SIGLEC10: variants seen among roughly 807,000 people sequenced by gnomAD.
SIGLEC10 encodes sialic acid-binding Ig-like lectin 10.
Under a neutral mutation model 68.3 loss-of-function variants are expected in SIGLEC10, and 45 were observed. That is an observed-to-expected ratio of 0.66 (90% confidence interval 0.52 to 0.84). The LOEUF is 0.84. Among genes scored for constraint, SIGLEC10 ranks in the 40% least tolerant of loss-of-function variants. SIGLEC10 has a pLI of 0.00. For missense variants in SIGLEC10, 789 were observed against 883.1 expected, an observed-to-expected ratio of 0.89 and a Z score of 1.35; for synonymous variants, 379 against 370.8, an observed-to-expected ratio of 1.02 and a Z score of -0.26.
rs938899801 is a variant in SIGLEC10, at chr19:51,410,274, G to C, written c.*825C>G. 1 of 152,200 alleles carries C rather than the reference G, an allele frequency of 6.6e-6. No individual in the cohort carries two copies. Among genetic ancestry groups the C allele is most frequent in the Non-Finnish European group, 1.5e-5 (1 of 68,054 alleles). The allele number at this position is 152,200 out of a possible 1,614,324, so 9.4% of individuals were successfully genotyped here. On this transcript the variant is annotated 3_prime_UTR_variant, in exon 11 of 11. Transcript: ENST00000339313. ...GTGAGGACGACCAGAGGTCACTCTC[G>C]TGGCCAACTTGGTTTTGGTGGGATT...
chr19:51,411,652 C>G (rs948374308), intron 10 of SIGLEC10, among the ~76,000 whole-genome samples: 2 of 152,180 alleles, frequency 1.3e-5, no homozygotes, highest in Non-Finnish European at 2.9e-5. Context: ...TCAAGACCGG[C>G]CTGGCCAACA....
intron 10 of SIGLEC10, among the ~76,000 whole-genome samples, chr19:51,413,352 C>T (rs918140925): frequency 6.6e-6 from 1 of 152,058 alleles, no homozygotes; most frequent in Non-Finnish European, 1.5e-5. Context: ...GATTTCAGAC[C>T]CCCTGTGCTG....
rs1393362846 is a variant in SIGLEC10, at chr19:51,411,182, T to G, written c.2011A>C (p.Asn671His). Residue 671 changes from asparagine (N) to histidine (H), a missense_variant, in exon 11 of 11, where the codon AAC becomes CAC. Asn to His is a moderately conservative substitution (Grantham distance 68). Coordinates refer to ENST00000339313, the MANE Select transcript of SIGLEC10 (RefSeq NM_033130.5). Reference sequence around the variant, plus strand: ...GGCCTGGGTCTGACGCCTGGGAAGTTGAGCGTGGCATAATGGAGCTCCTCT... The same window carrying G: ...GGCCTGGGTCTGACGCCTGGGAAGTGGAGCGTGGCATAATGGAGCTCCTCT... ...SQEELHYATLNFPGVRPRPEA... is the reference protein window; with the variant it reads ...SQEELHYATLHFPGVRPRPEA... 1 of 1,614,190 alleles carries G rather than the reference T, an allele frequency of 6.2e-7. No individual in the cohort carries two copies. The highest frequency in any genetic ancestry group is 1.7e-5 in the Admixed American group (1 of 60,026).
Position 51,415,022 on chromosome 19 carries a change from A to T in SIGLEC10, c.1417T>A (p.Ser473Thr), listed in dbSNP as rs767154875. The part of the protein sequence containing the change: ...SCSSQASPAP[S>T]LRWWLGEELL... ...TCCTCCCCAAGCCACCAGCGCAGAGAGGGGGCCGGGCTGGCCTGGGAGGAG... is the reference window on the plus strand; with the variant it reads ...TCCTCCCCAAGCCACCAGCGCAGAGTGGGGGCCGGGCTGGCCTGGGAGGAG... The change falls in exon 8 of 11, where the codon TCT becomes ACT. Residue 473 changes from serine to threonine, a missense_variant. By Grantham distance (58) the Ser-to-Thr change is moderately conservative. Transcript: ENST00000339313. The T allele has an allele frequency of 1.9e-6, 3 of 1,610,470 alleles. No homozygotes were observed. In the East Asian group the frequency reaches 6.7e-5, roughly 36 times the overall value.
At position 51,414,898 on chromosome 19, in the gene SIGLEC10, C is replaced by G; in HGVS notation, c.1541G>C (p.Ser514Thr). 1 of 1,614,136 alleles carries G rather than the reference C, an allele frequency of 6.2e-7. No homozygotes were observed. Among genetic ancestry groups the G allele is most frequent in the Non-Finnish European group, 8.5e-7 (1 of 1,180,010 alleles). The part of the protein sequence containing the change: ...NSSLSLHGGL[S>T]SGLRLRCEAW... ...CTCACAGCGGAGCCTGAGGCCGGAG[C>G]TGAGCCCTCCATGGAGGCTCAGGGA... The change falls in exon 8 of 11, where the codon AGC becomes ACC. Residue 514 changes from serine (S) to threonine (T), a missense_variant. By Grantham distance (58) the Ser-to-Thr change is moderately conservative. Coordinates refer to ENST00000339313, the MANE Select transcript of SIGLEC10 (RefSeq NM_033130.5). This position sits in a 1 kb window ranked among gnomAD's most constrained non-coding sequence, Gnocchi z 4.1.
rs760636810 is a variant in SIGLEC10, at chr19:51,415,554, G to A, written c.1072+14C>T. 2.5e-6 allele frequency: 4 copies of A among 1,614,050 alleles called. No individual in the cohort carries two copies. Among genetic ancestry groups the A allele is most frequent in the East Asian group, 4.5e-5 (2 of 44,886 alleles). The stretch of plus-strand genomic sequence containing the variant: ...GGCACTGAGAGGCCTTGGCTCCTCT[G>A]TCCCCTTTCCTACCTGTCCTGTTTG... On this transcript the variant is annotated intron_variant, in intron 6 of 10. Coordinates refer to ENST00000339313, the MANE Select transcript of SIGLEC10 (RefSeq NM_033130.5).
Position 51,414,877 on chromosome 19 carries a change from C to G in SIGLEC10, c.1562G>C (p.Cys521Ser), listed in dbSNP as rs1423077880. The change falls in exon 8 of 11, where the codon TGT becomes TCT. Residue 521 changes from cysteine (C) to serine (S), a missense_variant. Coordinates refer to ENST00000339313, the MANE Select transcript of SIGLEC10 (RefSeq NM_033130.5). This position sits in a 1 kb window ranked among gnomAD's most constrained non-coding sequence, Gnocchi z 4.1. ...GGLSSGLRLR[C>S]EAWNVHGAQS... ...GGCCCCATGGACGTTCCAGGCCTCA[C>G]AGCGGAGCCTGAGGCCGGAGCTGAG... is the stretch of plus-strand genomic sequence containing the variant. 2.5e-6 allele frequency: 4 copies of G among 1,614,040 alleles called. No homozygotes were observed.
chr19:51,415,102 G>A lies in SIGLEC10; in HGVS notation c.1337C>T (p.Pro446Leu), dbSNP rs745720956. 61 of 1,574,518 alleles carry A rather than the reference G, an allele frequency of 3.9e-5. No individual in the cohort carries two copies. The highest frequency in any genetic ancestry group is 1.6e-4 in the South Asian group (14 of 85,296). ...VSLSLSVHYS[P>L]KLLGPSCSWE... Reference sequence around the variant, plus strand: ...GGAGCAGGAGGGGCCCAGCAGCTTCGGGGAGTCTGAGGGGAGGGAGGACAG... The same window carrying A: ...GGAGCAGGAGGGGCCCAGCAGCTTCAGGGAGTCTGAGGGGAGGGAGGACAG... The change falls in exon 8 of 11, where the codon CCG becomes CTG. Residue 446 changes from proline (P) to leucine (L), a missense_variant. Physicochemically the swap from Pro to Leu is moderately conservative, Grantham distance 98 (BLOSUM62 -3). Coordinates refer to ENST00000339313, the MANE Select transcript of SIGLEC10 (RefSeq NM_033130.5).
rs1988374144 is a variant in SIGLEC10 at position 51,414,569 on chromosome 19, G to A, written c.1616-54C>T. ...TTCCCATCCACGCAGGGCTCACGAA[G>A]CCCGCTCATCACTCGGCATTAAGGC... On this transcript the variant is annotated intron_variant, in intron 8 of 10. Transcript: ENST00000339313. The surrounding 1 kb of genome is among the most constrained non-coding windows in gnomAD (Gnocchi z 4.1). 3 of 1,553,086 alleles carry A rather than the reference G, an allele frequency of 1.9e-6. No homozygotes were observed. The highest frequency in any genetic ancestry group is 1.8e-6 in the Non-Finnish European group (2 of 1,129,410).
rs1988390006 is a variant in SIGLEC10 at position 51,414,630 on chromosome 19, CCT to C, written c.1616-117_1616-116del. 1 of 1,350,860 alleles carries C rather than the reference CCT, an allele frequency of 7.4e-7. No homozygotes were observed. 83.7% of individuals were successfully genotyped at this position (1,350,860 alleles called of 1,614,324 possible). On this transcript the variant is annotated intron_variant, in intron 8 of 10. Transcript: ENST00000339313. The surrounding 1 kb of genome is among the most constrained non-coding windows in gnomAD (Gnocchi z 4.1). ...CATGGCGGACATTGTATCTGCAACCCCTCTGTTTACTTTTAGGAAACCCTGCC... is the reference window on the plus strand; with the variant it reads ...CATGGCGGACATTGTATCTGCAACCCCTGTTTACTTTTAGGAAACCCTGCC...
chr19:51,416,632 G>A (rs1272119057), intron 3 of SIGLEC10, 34 bp downstream of exon 3: 3 of 1,611,838 alleles, frequency 1.9e-6, no homozygotes, highest in African/African-American at 1.3e-5. Flanking sequence ...CACCGGGGCT[G>A]TCTGCACACC....
chr19:51,411,773 G>A (rs970633359), intron 10 of SIGLEC10, among the ~76,000 whole-genome samples: 1 of 151,722 alleles, frequency 6.6e-6, no homozygotes, highest in Non-Finnish European at 1.5e-5. Flanking sequence ...TTGAACCTGA[G>A]AGGTGGAGGT....
rs769519615 is a variant in SIGLEC10 at position 51,415,195 on chromosome 19, C to T, written c.1316G>A (p.Ser439Asn). 6.2e-7 allele frequency: 1 copy of T among 1,608,674 alleles called. No homozygotes were observed. ...CCCCCACTCACAGTGCACGGAGAGG[C>T]TGAGAGAGACGTGCTGGGAGCCCAG... Reference protein sequence around the residue: ...HPLGSQHVSLSLSVHYSPKLL... With the variant: ...HPLGSQHVSLNLSVHYSPKLL... The change falls in exon 7 of 11, where the codon AGC (serine) becomes AAC (asparagine). Residue 439 changes from serine to asparagine, a missense_variant. By Grantham distance (46) the Ser-to-Asn change is conservative. Transcript: ENST00000339313.
In SIGLEC10 at chr19:51,414,808, C is replaced by T. The variant is rs1458746084; in HGVS notation, c.1615+16G>A. On this transcript the variant is annotated intron_variant, in intron 8 of 10. Transcript: ENST00000339313. The surrounding 1 kb of genome is among the most constrained non-coding windows in gnomAD (Gnocchi z 4.1). ...CTTCTCCTCCAAGAACCTTGGCATC[C>T]AGGCGGCCCCCTAACCTGGCAGCTG... 6.2e-7 allele frequency: 1 copy of T among 1,611,008 alleles called. No individual in the cohort carries two copies.
Position 51,415,726 on chromosome 19 carries a change from G to A in SIGLEC10, c.1025-111C>T, listed in dbSNP as rs1423240212. The A allele has an allele frequency of 3.8e-6, 6 of 1,586,578 alleles. No individual in the cohort carries two copies. In the Admixed American group the frequency reaches 6.9e-5, roughly 18 times the overall value. ...GAAGTGGGTGGGATAGAAGGGCAGG[G>A]CAGAATCACCCACTGAGTCCCAGAC... On this transcript the variant is annotated intron_variant, in intron 5 of 10. Transcript: ENST00000339313.
rs766771097 is a variant in SIGLEC10 at position 51,413,848 on chromosome 19, G to C, written c.1710-25C>G. 6.9e-6 allele frequency: 11 copies of C among 1,590,550 alleles called. No homozygotes were observed. The Admixed American group carries it at 1.3e-4, about 19-fold the overall frequency. Reference sequence around the variant, plus strand: ...GCTGAGGAAATGAACCCACCTGTTTGTGCCCTGCTGCACCTCCCTGTGACA... The same window carrying C: ...GCTGAGGAAATGAACCCACCTGTTTCTGCCCTGCTGCACCTCCCTGTGACA... On this transcript the variant is annotated intron_variant, in intron 9 of 10. Transcript: ENST00000339313.
rs1157025737 is a variant in SIGLEC10 at position 51,416,870 on chromosome 19, A to G, written c.502T>C (p.Trp168Arg). ...GGGGGTGGACATTCCTCAAAGGCCC[A>G]GTTAAACACACAGATGACCGTCACC... ...QPVTVICVFN[W>R]AFEECPPPSF... Residue 168 changes from tryptophan (W) to arginine (R), a missense_variant, in exon 3 of 11, where the codon TGG becomes CGG. Transcript: ENST00000339313. The G allele has an allele frequency of 1.2e-6, 2 of 1,614,162 alleles. No individual in the cohort carries two copies. The highest frequency in any genetic ancestry group is 2.2e-5 in the South Asian group (2 of 91,082).
intron 10 of SIGLEC10, among the ~76,000 whole-genome samples, chr19:51,412,266 T>G (rs1599886453): frequency 2.1e-5 from 3 of 145,848 alleles, no homozygotes; most frequent in East Asian, 4.0e-4. Flanking sequence ...GTGCCCGGGG[T>G]GGGGTGGGGG....
intron 10 of SIGLEC10, among the ~76,000 whole-genome samples, chr19:51,412,594 C>T (rs2123724115): frequency 6.6e-6 from 1 of 151,816 alleles, no homozygotes; most frequent in South Asian, 2.1e-4. Context: ...CCTGCCTCAG[C>T]CTCCCGAGTA....
Sources: allele counts gnomAD v4.1 joint callset (sites outside exome capture counted in the v4.1 genomes callset), GRCh38; gene constraint gnomAD v4.1.1; non-coding constraint Gnocchi (gnomAD v3.1); transcripts MANE v1.5; gene names NCBI Gene and HGNC (gene_info 2026-07-23, HGNC 2026-07-21).